Variants in GPC5 observed in about 807,000 individuals in gnomAD.
GPC5 encodes glypican 5, also known as glypican-5.
A neutral mutation model predicts 53.9 loss-of-function variants in GPC5; 47 were observed. The ratio of observed to expected loss-of-function variants is 0.87; its 90% confidence interval spans 0.69 to 1.11. The LOEUF (loss-of-function observed/expected upper bound fraction) is 1.11. Ranked by LOEUF, GPC5 falls within the 50% of genes most tolerant of loss-of-function variation. GPC5 has a pLI of 0.00. For missense variants in GPC5, 748 were observed against 713.1 expected, an observed-to-expected ratio of 1.05 and a Z score of -0.56; for synonymous variants, 286 against 263.3, an observed-to-expected ratio of 1.09 and a Z score of -0.84.
At chr13:92,210,175 C>G (rs2042364832) in intron 7 of GPC5, among the ~76,000 whole-genome samples, 1 of 152,128 alleles carries the variant, frequency 6.6e-6, no homozygotes, top group Admixed American at 6.5e-5. Context: ...TCAATCCAAT[C>G]AAGTCGACAC....
intron 6 of GPC5, among the ~76,000 whole-genome samples, chr13:92,042,497 G>GA (rs909366471): frequency 4.3e-4 from 64 of 148,538 alleles, no homozygotes; most frequent in African/African-American, 6.4e-4. Flanking sequence ...AAAACAAATG[G>GA]AAAAAAAAAA....
At chr13:92,165,918 G>A (rs1047956402) in intron 7 of GPC5, among the ~76,000 whole-genome samples, 1 of 152,140 alleles carries the variant, frequency 6.6e-6, no homozygotes, top group Admixed American at 6.6e-5. Flanking sequence ...TAGTTTCAGT[G>A]AGCATGATGC....
chr13:92,823,079 A>G (rs550358859), intron 7 of GPC5, among the ~76,000 whole-genome samples: 141 of 152,268 alleles, frequency 9.3e-4, no homozygotes, highest in African/African-American at 3.3e-3. Flanking sequence ...AATGGACAAA[A>G]ATGACCTCCA....
intron 6 of GPC5, among the ~76,000 whole-genome samples, chr13:92,123,316 A>G (rs1852072308): frequency 6.6e-6 from 1 of 152,176 alleles, no homozygotes; most frequent in Non-Finnish European, 1.5e-5. Flanking sequence ...CTGAAGCAGG[A>G]AAGAAACTTG....
At chr13:92,208,310 TA>T (rs1156383051) in intron 7 of GPC5, among the ~76,000 whole-genome samples, 6 of 152,364 alleles carry the variant, frequency 3.9e-5, no homozygotes, top group Non-Finnish European at 8.8e-5. Context: ...ATCCATTTAC[TA>T]GGCTGGTTTC....
At chr13:91,832,960 T>C (rs1297659072) in intron 5 of GPC5, among the ~76,000 whole-genome samples, 1 of 151,928 alleles carries the variant, frequency 6.6e-6, no homozygotes, top group African/African-American at 2.4e-5. Flanking sequence ...CAGGACCTGG[T>C]TTTTTGAAAA....
intron 7 of GPC5, among the ~76,000 whole-genome samples, chr13:92,368,274 C>T (rs371087382): frequency 6.6e-6 from 1 of 151,642 alleles, no homozygotes; most frequent in East Asian, 2.0e-4. Flanking sequence ...TGTGAGCCAC[C>T]ACTCCCAGCC....
intron 7 of GPC5, among the ~76,000 whole-genome samples, chr13:92,312,534 A>G (rs959972597): frequency 5.9e-5 from 9 of 152,174 alleles, no homozygotes; most frequent in Non-Finnish European, 1.0e-4. Context: ...TGCCTTCAAC[A>G]TATATTATTT....
intron 7 of GPC5, among the ~76,000 whole-genome samples, chr13:92,741,081 A>G (rs944407069): frequency 5.3e-5 from 8 of 150,366 alleles, no homozygotes; most frequent in Non-Finnish European, 1.2e-4. Flanking sequence ...GGTGCATGCT[A>G]TGGTTTGAAT....
intron 7 of GPC5, among the ~76,000 whole-genome samples, chr13:92,825,758 G>A (rs1271318218): frequency 1.3e-5 from 2 of 151,868 alleles, no homozygotes; most frequent in African/African-American, 4.8e-5. Flanking sequence ...TTCTTTATAT[G>A]TCCTTGTAAA....
chr13:91,918,032 G>T (rs181741096), intron 6 of GPC5, among the ~76,000 whole-genome samples: 1 of 152,192 alleles, frequency 6.6e-6, no homozygotes, highest in East Asian at 1.9e-4. Flanking sequence ...CCTGAGACTG[G>T]GTAATTTATA....
chr13:92,736,672 A>G (rs1389866662), intron 7 of GPC5, among the ~76,000 whole-genome samples: 1 of 151,878 alleles, frequency 6.6e-6, no homozygotes, highest in Admixed American at 6.6e-5. Flanking sequence ...CACTGAATTT[A>G]TCTGTTTACC....
intron 5 of GPC5, among the ~76,000 whole-genome samples, chr13:91,815,830 T>C (rs1038701333): frequency 1.3e-5 from 2 of 152,222 alleles, no homozygotes; most frequent in Admixed American, 1.3e-4. Context: ...AAGCAAATAA[T>C]AATTCAAATG....
At chr13:92,540,707 T>A (rs1881905283) in intron 7 of GPC5, among the ~76,000 whole-genome samples, 1 of 151,938 alleles carries the variant, frequency 6.6e-6, no homozygotes, top group South Asian at 2.1e-4. Flanking sequence ...TGGCTACATA[T>A]GCCCTCTATA....
intron 7 of GPC5, among the ~76,000 whole-genome samples, chr13:92,845,928 G>C (rs1196337855): frequency 6.6e-6 from 1 of 152,052 alleles, no homozygotes; most frequent in Non-Finnish European, 1.5e-5. Context: ...TTTCTAAACT[G>C]GGGATATATA....
chr13:92,382,022 G>A (rs2043752811), intron 7 of GPC5, among the ~76,000 whole-genome samples: 1 of 149,440 alleles, frequency 6.7e-6, no homozygotes, highest in African/African-American at 2.5e-5. Context: ...ATCTGATAGA[G>A]TACTATGCAG....
At chr13:92,192,214 A>G (rs970171061) in intron 7 of GPC5, among the ~76,000 whole-genome samples, 1 of 152,174 alleles carries the variant, frequency 6.6e-6, no homozygotes, top group Non-Finnish European at 1.5e-5. Context: ...ACCAAGAGCA[A>G]ACCCTAATGT....
chr13:91,579,037 C>T (rs1291397128), intron 2 of GPC5, among the ~76,000 whole-genome samples: 3 of 152,158 alleles, frequency 2.0e-5, no homozygotes, highest in African/African-American at 7.2e-5. Flanking sequence ...CAAAACGAAA[C>T]CCTGTCTCTA....
chr13:92,308,168 C>T (rs369254291), intron 7 of GPC5, among the ~76,000 whole-genome samples: 18 of 152,102 alleles, frequency 1.2e-4, no homozygotes, highest in African/African-American at 1.7e-4. Flanking sequence ...TTGTAACCTC[C>T]GGCAAAACGA....
Sources: allele counts gnomAD v4.1 joint callset (sites outside exome capture counted in the v4.1 genomes callset), GRCh38; gene constraint gnomAD v4.1.1; transcripts MANE v1.5; gene names NCBI Gene and HGNC (gene_info 2026-07-23, HGNC 2026-07-21).